Variants in FLRT2 observed in about 807,000 individuals in gnomAD.
FLRT2 encodes the protein leucine-rich repeat transmembrane protein FLRT2.
Under a neutral mutation model 40.0 loss-of-function variants are expected in FLRT2, and 15 were observed. The ratio of observed to expected loss-of-function variants is 0.38; its 90% CI spans 0.25 to 0.58. The LOEUF is 0.58. Ranked by LOEUF, FLRT2 falls within the 20% of genes least tolerant of loss-of-function variation. FLRT2 has a pLI of 0.71. For missense variants in FLRT2, 726 were observed against 840.0 expected, an observed-to-expected ratio of 0.86 and a Z score of 1.68; for synonymous variants, 380 against 336.8, an observed-to-expected ratio of 1.13 and a Z score of -1.41.
At chr14:85,611,267 G>GAC (rs3085527) in intron 1 of FLRT2, among the ~76,000 whole-genome samples, 124,647 of 151,918 alleles carry the variant, frequency 0.82, 51,193 homozygotes, top group East Asian at 0.88. Flanking sequence ...TGCTTCATCA[G>GAC]ACACAGTGGC....
rs1282063288 is a variant in FLRT2 at position 85,652,854 on chromosome 14, T to A, written c.*29357T>A. 6.6e-6 allele frequency: 1 copy of A among 152,220 alleles called. No homozygotes were observed. The highest frequency in any genetic ancestry group is 1.5e-5 in the Non-Finnish European group (1 of 68,034). The allele number at this position is 152,220 out of a possible 1,614,324, so 9.4% of individuals were successfully genotyped here. A position where few individuals can be genotyped will look rare whatever the true frequency, so the allele number is the denominator to read the frequency against. ...CTTCCCCTCTAGGAGATTAAAGTAT[T>A]TTTTGCTCATTAATCAATGTAAGAA... On this transcript the variant is annotated 3_prime_UTR_variant, in exon 2 of 2. Transcript: ENST00000330753.
rs1228409316 is a variant in FLRT2 at position 85,640,312 on chromosome 14, G to A, written c.*16815G>A. 1 of 152,156 alleles carries A rather than the reference G, an allele frequency of 6.6e-6. No homozygotes were observed. Among genetic ancestry groups the A allele is most frequent in the Non-Finnish European group, 1.5e-5 (1 of 68,038 alleles). The allele number at this position is 152,156 out of a possible 1,614,324, so 9.4% of individuals were successfully genotyped here. ...ACTGTATATTTTATCAGGACAGTAA[G>A]GCAATCAGTGGAGTAATGATCCTTC... On this transcript the variant is annotated 3_prime_UTR_variant, in exon 2 of 2. Transcript: ENST00000330753.
Position 85,631,819 on chromosome 14 carries a change from T to C in FLRT2, c.*8322T>C, listed in dbSNP as rs185882500. On this transcript the variant is annotated 3_prime_UTR_variant, in exon 2 of 2. Coordinates refer to ENST00000330753, the MANE Select transcript of FLRT2 (RefSeq NM_013231.6). ...ATTAAAAAGACCTGAAGAACATCTT[T>C]TTATTTTATTTATTTATTTTTTTTT... 2 of 152,152 alleles carry C rather than the reference T, an allele frequency of 1.3e-5. No homozygotes were observed. Among genetic ancestry groups the C allele is most frequent in the Non-Finnish European group, 2.9e-5 (2 of 68,006 alleles). The allele number at this position is 152,152 out of a possible 1,614,324, so 9.4% of individuals were successfully genotyped here.
intron 1 of FLRT2, among the ~76,000 whole-genome samples, chr14:85,615,695 G>C (rs1893094693): frequency 2.1e-5 from 1 of 47,950 alleles, no homozygotes; most frequent in South Asian, 4.1e-4. Context: ...CTAACTATAG[G>C]ACTCTCCTGA....
chr14:85,620,814 T>G (rs1893345903), intron 1 of FLRT2, among the ~76,000 whole-genome samples: 1 of 152,214 alleles, frequency 6.6e-6, no homozygotes, highest in African/African-American at 2.4e-5. Flanking sequence ...GATTCAGCAG[T>G]GTGCCTGTTG....
intron 1 of FLRT2, among the ~76,000 whole-genome samples, chr14:85,565,971 A>G (rs1890598890): frequency 6.6e-6 from 1 of 151,832 alleles, no homozygotes; most frequent in African/African-American, 2.4e-5. Context: ...TAAGCAAAAT[A>G]CACCGATTTT....
At chr14:85,602,979 G>A (rs1273295547) in intron 1 of FLRT2, among the ~76,000 whole-genome samples, 1 of 152,024 alleles carries the variant, frequency 6.6e-6, no homozygotes, top group East Asian at 1.9e-4. Context: ...ACATCTGATG[G>A]GGAATGTGAA....
chr14:85,579,359 C>T (rs1175076717), intron 1 of FLRT2, among the ~76,000 whole-genome samples: 5 of 152,144 alleles, frequency 3.3e-5, no homozygotes, highest in African/African-American at 9.7e-5. Context: ...CTTTAAAGAA[C>T]CCTCTGGAGC....
In FLRT2 at chr14:85,626,420, G is replaced by A. The variant is rs1429884171; in HGVS notation, c.*2923G>A. 3 of 167,134 alleles carry A rather than the reference G, an allele frequency of 1.8e-5. No homozygotes were observed. Among genetic ancestry groups the A allele is most frequent in the Non-Finnish European group, 2.9e-5 (2 of 68,138 alleles). 10.4% of individuals were successfully genotyped at this position (167,134 alleles called of 1,614,324 possible). On this transcript the variant is annotated 3_prime_UTR_variant, in exon 2 of 2. Transcript: ENST00000330753. Reference sequence around the variant, plus strand: ...CTCACTGGCCAATAAAGAGCTTGATGCTGCCTGGCCAAATGAGGTGACTCA... The same window carrying A: ...CTCACTGGCCAATAAAGAGCTTGATACTGCCTGGCCAAATGAGGTGACTCA...
At position 85,629,658 on chromosome 14, in the gene FLRT2, C is replaced by A. The variant is rs549237744; in HGVS notation, c.*6161C>A. ...GGCAGAGTCAGGAATTACCACTGAG[C>A]ATGACTCCATGGACTCTTAATTGTT... On this transcript the variant is annotated 3_prime_UTR_variant, in exon 2 of 2. Transcript: ENST00000330753. 4 of 152,320 alleles carry A rather than the reference C, an allele frequency of 2.6e-5. No individual in the cohort carries two copies. The highest frequency in any genetic ancestry group is 9.6e-5 in the African/African-American group (4 of 41,572). 9.4% of individuals were successfully genotyped at this position (152,320 alleles called of 1,614,324 possible).
chr14:85,598,266 T>C (rs1439275473), intron 1 of FLRT2, among the ~76,000 whole-genome samples: 1 of 152,194 alleles, frequency 6.6e-6, no homozygotes, highest in African/African-American at 2.4e-5. Flanking sequence ...TGCATGTTTG[T>C]CCAGCACTCA....
chr14:85,643,371 C>CT lies in FLRT2; in HGVS notation c.*19876dup, dbSNP rs148819612. 2.9e-3 allele frequency: 284 copies of CT among 98,808 alleles called. 11 individuals carry two copies. Among genetic ancestry groups the CT allele is most frequent in the South Asian group, 0.015 (40 of 2,720 alleles). 6.1% of individuals were successfully genotyped at this position (98,808 alleles called of 1,614,324 possible). Reference sequence around the variant, plus strand: ...TCTTTCTTTCTTCCTTCCTTCCTTCCTTCCTTTCTTTCCTTTCTCCTTTTT... The same window carrying CT: ...TCTTTCTTTCTTCCTTCCTTCCTTCCTTTCCTTTCTTTCCTTTCTCCTTTTT... On this transcript the variant is annotated 3_prime_UTR_variant, in exon 2 of 2. Transcript: ENST00000330753.
chr14:85,535,535 C>T (rs1336131754), intron 1 of FLRT2, among the ~76,000 whole-genome samples: 2 of 152,158 alleles, frequency 1.3e-5, no homozygotes, highest in African/African-American at 4.8e-5. Flanking sequence ...ACGGGCAAGC[C>T]ACCAGCCACC....
intron 1 of FLRT2, among the ~76,000 whole-genome samples, chr14:85,553,445 A>G (rs979064269): frequency 7.2e-5 from 11 of 152,310 alleles, no homozygotes; most frequent in African/African-American, 2.2e-4. Context: ...GGGGCCACAC[A>G]TGAAACACAA....
rs1345816122 is a variant in FLRT2 at position 85,629,232 on chromosome 14, T to C, written c.*5735T>C. The C allele has an allele frequency of 1.3e-5, 2 of 152,216 alleles. No individual in the cohort carries two copies. The highest frequency in any genetic ancestry group is 2.9e-5 in the Non-Finnish European group (2 of 68,036). The allele number at this position is 152,216 out of a possible 1,614,324, so 9.4% of individuals were successfully genotyped here. A position where few individuals can be genotyped will look rare whatever the true frequency, so the allele number is the denominator to read the frequency against. On this transcript the variant is annotated 3_prime_UTR_variant, in exon 2 of 2. Coordinates refer to ENST00000330753, the MANE Select transcript of FLRT2 (RefSeq NM_013231.6). ...AGGTGACAAAAGAGATGTTTCTACC[T>C]GTTGGTAAGGTTGATGCAACTGTCA...
chr14:85,586,795 A>T (rs975135411), intron 1 of FLRT2, among the ~76,000 whole-genome samples: 1 of 152,232 alleles, frequency 6.6e-6, no homozygotes, highest in Non-Finnish European at 1.5e-5. Flanking sequence ...AACGCCATTC[A>T]GGCAAATTCT....
rs199966508 is a variant in FLRT2, at chr14:85,622,403, G to T, written c.889G>T (p.Asp297Tyr). 2 of 1,614,076 alleles carry T rather than the reference G, an allele frequency of 1.2e-6. No individual in the cohort carries two copies. Among genetic ancestry groups the T allele is most frequent in the Non-Finnish European group, 1.7e-6 (2 of 1,180,002 alleles). Residue 297 changes from aspartate (D) to tyrosine (Y), a missense_variant, in exon 2 of 2, where the codon GAT (aspartate) becomes TAT (tyrosine). Coordinates refer to ENST00000330753, the MANE Select transcript of FLRT2 (RefSeq NM_013231.6). ...QLRMLTQGVF[D>Y]NLSNLKQLTA... is the part of the protein sequence containing the mutation. ...GCGGATGCTGACTCAAGGGGTTTTT[G>T]ATAATCTCTCCAACCTGAAGCAGCT...
rs71454768 is a variant in FLRT2 at position 85,535,892 on chromosome 14, GTT to G, written c.-377+5386_-377+5387del. ...ACAAACCTAGCATGGAAGGAATGCTGTTTTTTTTTTTTTTTTTTTTTTTTTTT... is the reference window on the plus strand; with the variant it reads ...ACAAACCTAGCATGGAAGGAATGCTGTTTTTTTTTTTTTTTTTTTTTTTTT... On this transcript the variant is annotated intron_variant, in intron 1 of 1. Coordinates refer to ENST00000330753, the MANE Select transcript of FLRT2 (RefSeq NM_013231.6). Among the ~76,000 whole-genome samples, 360 of 57,840 alleles carry G rather than the reference GTT, an allele frequency of 6.2e-3. 2 individuals are homozygous for G. Among genetic ancestry groups the G allele is most frequent in the East Asian group, 0.017 (26 of 1,502 alleles). The allele number at this position is 57,840 out of a possible 152,430, so 37.9% of individuals were successfully genotyped here. A position where few individuals can be genotyped will look rare whatever the true frequency, so the allele number is the denominator to read the frequency against.
At chr14:85,599,043 G>T (rs1026560610) in intron 1 of FLRT2, among the ~76,000 whole-genome samples, 5 of 147,826 alleles carry the variant, frequency 3.4e-5, no homozygotes, top group Non-Finnish European at 7.4e-5. Context: ...TCAGCCTCCC[G>T]AGTAGCTGGG....
Sources: gnomAD v4.1 joint callset for allele counts (sites outside exome capture counted in the v4.1 genomes callset) on GRCh38, gnomAD v4.1.1 for gene constraint, MANE v1.5 for transcripts, NCBI Gene and HGNC (gene_info 2026-07-23, HGNC 2026-07-21) for gene names.